The following STIL variants were observed in gnomAD, a reference collection of about 807,000 sequenced individuals.
The protein encoded by STIL is SCL-interrupting locus protein.
In STIL, 55 loss-of-function variants were observed where a neutral mutation model predicts 110.1. That is an observed-to-expected ratio of 0.50 (90% CI 0.40 to 0.63). The LOEUF (loss-of-function observed/expected upper bound fraction) is 0.63, where lower values mean the gene tolerates loss of function less well. Ranked by LOEUF, STIL falls within the 20% of genes least tolerant of loss-of-function variation. The pLI, the probability that STIL is intolerant of heterozygous loss-of-function variation, is 0.00. For missense variants in STIL, 1,358 were observed against 1,530.0 expected (o/e 0.89, Z 1.87); for synonymous variants, 481 against 530.0 (o/e 0.91, Z 1.27).
At chr1:47,290,321 GA>G (rs1645443823) in intron 8 of STIL, among the ~76,000 whole-genome samples, 1 of 152,188 alleles carries the variant, frequency 6.6e-6, no homozygotes, top group African/African-American at 2.4e-5. Flanking sequence ...AATCTGGGGG[GA>G]AAACCGTTAC....
chr1:47,269,581 C>A, intron 14 of STIL, 54 bp downstream of exon 14: 2 of 1,446,758 alleles, frequency 1.4e-6, no homozygotes, highest in Non-Finnish European at 9.6e-7. Context: ...ATTTGTCTAT[C>A]AAAAAAAATT....
At chr1:47,312,127 G>A (rs1646143517) in intron 1 of STIL, among the ~76,000 whole-genome samples, 1 of 152,174 alleles carries the variant, frequency 6.6e-6, no homozygotes. Flanking sequence ...TTTAGATAAA[G>A]TCAGAGGCTG....
At chr1:47,295,728 T>A in intron 7 of STIL, 37 bp downstream of exon 7, 2 of 1,379,950 alleles carry the variant, frequency 1.4e-6, no homozygotes, top group Non-Finnish European at 1.0e-6. Context: ...TTTGAACATT[T>A]GGCTGATAAG....
upstream of STIL, chr1:47,314,262 T>A (rs949360764): frequency 3.9e-5 from 6 of 152,242 alleles, no homozygotes; most frequent in Admixed American, 1.3e-4. Context: ...ACGGTCGCCG[T>A]TACGTATTGG....
At chr1:47,268,716 C>T (rs1279649264) in intron 14 of STIL, among the ~76,000 whole-genome samples, 1 of 151,812 alleles carries the variant, frequency 6.6e-6, no homozygotes, top group Non-Finnish European at 1.5e-5. Context: ...CAAGATCGCA[C>T]CATTGCACTC....
chr1:47,292,369 T>G (rs1645519612), intron 8 of STIL, among the ~76,000 whole-genome samples: 1 of 152,180 alleles, frequency 6.6e-6, no homozygotes. Flanking sequence ...CTACCAAATT[T>G]TAAATTACAT....
At chr1:47,270,125 T>C (rs563569414) in intron 13 of STIL, among the ~76,000 whole-genome samples, 1 of 151,232 alleles carries the variant, frequency 6.6e-6, no homozygotes, top group African/African-American at 2.4e-5. Context: ...TGTAGTCCCA[T>C]CTACTCAGGA....
intron 3 of STIL, among the ~76,000 whole-genome samples, chr1:47,303,452 C>T (rs1645865483): frequency 6.6e-6 from 1 of 152,134 alleles, no homozygotes; most frequent in African/African-American, 2.4e-5. Flanking sequence ...GTAATTCGAG[C>T]TACTTGGGAG....
At chr1:47,280,013 T>G (rs919840215) in intron 12 of STIL, among the ~76,000 whole-genome samples, 2 of 152,172 alleles carry the variant, frequency 1.3e-5, no homozygotes, top group Non-Finnish European at 1.5e-5. Context: ...AGGATATGCA[T>G]AAGATGGTTC....
chr1:47,279,756 C>T (rs917824063), intron 12 of STIL, among the ~76,000 whole-genome samples: 6 of 138,996 alleles, frequency 4.3e-5, no homozygotes, highest in Admixed American at 2.1e-4. Context: ...CAACAAAAAA[C>T]TAAGAACTCT....
intron 6 of STIL, among the ~76,000 whole-genome samples, chr1:47,298,570 C>CATACTATAA (rs1325165578): frequency 6.6e-6 from 1 of 151,682 alleles, no homozygotes; most frequent in East Asian, 1.9e-4. Flanking sequence ...GTTAAAACCA[C>CATACTATAA]ATACTATAAA....
At chr1:47,271,357 C>T (rs1644829724) in intron 13 of STIL, among the ~76,000 whole-genome samples, 2 of 151,548 alleles carry the variant, frequency 1.3e-5, no homozygotes, top group South Asian at 2.1e-4. Context: ...GTGGATCATG[C>T]GGTCAGGAGT....
At chr1:47,272,382 A>G (rs1360624375) in intron 12 of STIL, 141 bp from the exon 13 acceptor site, 1 of 800,916 alleles carries the variant, frequency 1.2e-6, no homozygotes, top group Non-Finnish European at 2.0e-6. Context: ...ACTAGACCAT[A>G]CCATGAAACT....
At chr1:47,264,042 T>C (rs1644565136) in intron 14 of STIL, among the ~76,000 whole-genome samples, 1 of 152,158 alleles carries the variant, frequency 6.6e-6, no homozygotes, top group Non-Finnish European at 1.5e-5. Flanking sequence ...CGTGAGCCAC[T>C]GCACCTGGCC....
At chr1:47,283,196 T>C (rs1447884705) in intron 10 of STIL, 1 of 152,180 alleles carries the variant, frequency 6.6e-6, no homozygotes, top group African/African-American at 2.4e-5. Flanking sequence ...TGCATTCTGT[T>C]TCATGCAAGT....
chr1:47,307,484 T>C (rs891626784), intron 2 of STIL, among the ~76,000 whole-genome samples: 3 of 152,208 alleles, frequency 2.0e-5, no homozygotes, highest in African/African-American at 7.2e-5. Context: ...AAAGATTTCA[T>C]GGACACTTAT....
At chr1:47,269,501 G>A in intron 14 of STIL, 134 bp downstream of exon 14, 1 of 673,290 alleles carries the variant, frequency 1.5e-6, no homozygotes, top group South Asian at 1.9e-5. Flanking sequence ...AGATTTGTTG[G>A]TCTGATTTAA....
At chr1:47,276,915 A>G (rs1185336222) in intron 12 of STIL, among the ~76,000 whole-genome samples, 1 of 151,742 alleles carries the variant, frequency 6.6e-6, no homozygotes, top group Non-Finnish European at 1.5e-5. Context: ...GTTTGGGGAT[A>G]CTAAATTGGT....
chr1:47,264,597 C>T (rs940064955), intron 14 of STIL, among the ~76,000 whole-genome samples: 1 of 152,120 alleles, frequency 6.6e-6, no homozygotes, highest in Non-Finnish European at 1.5e-5. Context: ...ATAAATTTAT[C>T]TTTCACAGAC....
Sources: gnomAD v4.1 joint callset for allele counts (sites outside exome capture counted in the v4.1 genomes callset) on GRCh38, gnomAD v4.1.1 for gene constraint, MANE v1.5 for transcripts, NCBI Gene and HGNC (gene_info 2026-07-23, HGNC 2026-07-21) for gene names.